The following RERE variants were observed in gnomAD, a reference collection of about 807,000 sequenced individuals.
RERE encodes arginine-glutamic acid dipeptide repeats.
RERE carries 40 observed loss-of-function variants against 146.1 expected under a neutral mutation model. The ratio of observed to expected loss-of-function variants is 0.27; its 90% CI spans 0.21 to 0.36. RERE has a LOEUF of 0.36. Among genes scored for constraint, RERE ranks in the 10% least tolerant of loss-of-function variants. The probability of loss-of-function intolerance (pLI) is 1.00; values close to 1 mark genes in which losing one functional copy is unlikely to be tolerated. For synonymous variants in RERE, 1,003 were observed against 866.0 expected (o/e 1.16, Z -2.78); for missense variants, 1,933 against 2,138.7 (o/e 0.90, Z 1.90).
intron 7 of RERE, among the ~76,000 whole-genome samples, chr1:8,529,119 T>C (rs537641523): frequency 6.6e-6 from 1 of 152,232 alleles, no homozygotes; most frequent in East Asian, 1.9e-4. Flanking sequence ...TATGGCAAAA[T>C]ACTAACAACT....
chr1:8,795,997 A>C (rs1380102610), intron 1 of RERE, among the ~76,000 whole-genome samples: 6 of 148,486 alleles, frequency 4.0e-5, no homozygotes, highest in East Asian at 1.9e-4. Flanking sequence ...AAAAAAAAAA[A>C]ACAAAACAAA....
chr1:8,809,157 A>AAAAAAAAAAAAAATAAAAAAAT (rs985140466), intron 1 of RERE, among the ~76,000 whole-genome samples: 1 of 146,122 alleles, frequency 6.8e-6, no homozygotes, highest in African/African-American at 2.8e-5. Flanking sequence ...AAAAAAAAAA[A>AAAAAAAAAAAAAATAAAAAAAT]AAAGTACTGA....
chr1:8,360,377 G>T lies in RERE; in HGVS notation c.3130C>A (p.Pro1044Thr), dbSNP rs755196209. 4.2e-5 allele frequency: 55 copies of T among 1,324,986 alleles called. No homozygotes were observed. The highest frequency in any genetic ancestry group is 5.2e-5 in the Non-Finnish European group (53 of 1,024,170). The allele number at this position is 1,324,986 out of a possible 1,614,324, so 82.1% of individuals were successfully genotyped here. Residue 1044 changes from proline to threonine, a missense_variant, in exon 18 of 23, where the codon CCT (proline) becomes ACT (threonine). Around this residue, in one of 11 missense-constraint regions of RERE, gnomAD observed 1,255 missense variants for 1,153.8 expected, o/e 1.09. Coordinates refer to ENST00000400908, the MANE Select transcript of RERE (RefSeq NM_001042681.2). ...CAGGTCGGAGGGGTGATGGGAGGAGGGCCTCCAGGGACAAAGGGGTGCTGA... is the reference window on the plus strand; with the variant it reads ...CAGGTCGGAGGGGTGATGGGAGGAGTGCCTCCAGGGACAAAGGGGTGCTGA... ...FAQHPFVPGG[P>T]PPITPPTCPS...
At chr1:8,777,933 G>A (rs1389625638) in intron 1 of RERE, among the ~76,000 whole-genome samples, 1 of 150,292 alleles carries the variant, frequency 6.7e-6, no homozygotes, top group African/African-American at 2.4e-5. Flanking sequence ...TCAATTTGAA[G>A]GCCAAATGTT....
intron 7 of RERE, among the ~76,000 whole-genome samples, chr1:8,521,176 C>CAA (rs36115526): frequency 0.02 from 2,223 of 109,868 alleles, 85 homozygotes; most frequent in South Asian, 0.032. Flanking sequence ...TTCTTTTTTT[C>CAA]AAAAAAAAAA....
At chr1:8,415,021 A>G (rs1643722823) in intron 12 of RERE, among the ~76,000 whole-genome samples, 1 of 152,230 alleles carries the variant, frequency 6.6e-6, no homozygotes, top group South Asian at 2.1e-4. Context: ...AAAATGAACT[A>G]GTTATTCAAG....
chr1:8,710,036 T>TC (rs1227564643), intron 1 of RERE, among the ~76,000 whole-genome samples: 1 of 152,220 alleles, frequency 6.6e-6, no homozygotes, highest in Non-Finnish European at 1.5e-5. Flanking sequence ...ATACAAGTAG[T>TC]CCCTGTCAAG....
chr1:8,646,556 C>CAAAAAAAA (rs568370827), intron 2 of RERE, among the ~76,000 whole-genome samples: 9 of 144,288 alleles, frequency 6.2e-5, no homozygotes, highest in African/African-American at 2.3e-4. Flanking sequence ...AACAAACAAA[C>CAAAAAAAA]AAAAAAAAAA....
chr1:8,453,543 C>A (rs1281078100), intron 11 of RERE, among the ~76,000 whole-genome samples: 1 of 152,190 alleles, frequency 6.6e-6, no homozygotes, highest in East Asian at 1.9e-4. Context: ...TGGCGGCTCA[C>A]ACCTGTAATC....
At position 8,532,697 on chromosome 1, in the gene RERE, C is replaced by A. The variant is rs182500578; in HGVS notation, c.830+8517G>T. 9.8e-4 allele frequency among the ~76,000 whole-genome samples: 149 copies of A among 152,024 alleles called. 3 individuals are homozygous for A. In the East Asian group the frequency reaches 0.026, roughly 26 times the overall value. ...GCAACCTCTGCCTCCTGGGTTCAAG[C>A]AATTCTCCTGCCTCAGCCTCCCGAG... On this transcript the variant is annotated intron_variant, in intron 7 of 22. Coordinates refer to ENST00000400908, the MANE Select transcript of RERE (RefSeq NM_001042681.2).
chr1:8,487,749 G>A (rs1644921795), intron 10 of RERE, among the ~76,000 whole-genome samples: 1 of 152,030 alleles, frequency 6.6e-6, no homozygotes. Flanking sequence ...AAAGGAAGAG[G>A]TAAAACTATA....
rs149927229 is a variant in RERE at position 8,421,266 on chromosome 1, C to T, written c.1284+1461G>A. Among the ~76,000 whole-genome samples the T allele has an allele frequency of 1.5e-3, 236 of 152,296 alleles. 1 individual carries two copies. The highest frequency in any genetic ancestry group is 5.4e-3 in the African/African-American group (223 of 41,570). On this transcript the variant is annotated intron_variant, in intron 12 of 22. Coordinates refer to ENST00000400908, the MANE Select transcript of RERE (RefSeq NM_001042681.2). ...TTTTTTACTCAGCCAAACCAAACTTCCTACACTCGGGCAAAGGCATTTTAA... is the reference window on the plus strand; with the variant it reads ...TTTTTTACTCAGCCAAACCAAACTTTCTACACTCGGGCAAAGGCATTTTAA...
chr1:8,627,108 G>GT (rs916995043), intron 2 of RERE, among the ~76,000 whole-genome samples: 1 of 152,098 alleles, frequency 6.6e-6, no homozygotes, highest in Non-Finnish European at 1.5e-5. Flanking sequence ...CTTAGAATTA[G>GT]TTATCAGTTC....
intron 11 of RERE, among the ~76,000 whole-genome samples, chr1:8,441,399 G>C (rs1644246857): frequency 6.6e-6 from 1 of 152,052 alleles, no homozygotes; most frequent in African/African-American, 2.4e-5. Flanking sequence ...ACTTCACAAA[G>C]GCAGCCTCCT....
intron 1 of RERE, among the ~76,000 whole-genome samples, chr1:8,679,773 A>C (rs528966971): frequency 1.9e-4 from 29 of 152,210 alleles, no homozygotes; most frequent in Admixed American, 1.8e-3. Flanking sequence ...GTTTTCTACA[A>C]AACTAGAGCT....
intron 1 of RERE, among the ~76,000 whole-genome samples, chr1:8,800,258 C>CAA (rs34669744): frequency 0.52 from 74,719 of 143,726 alleles, 19,968 homozygotes; most frequent in East Asian, 0.81. Flanking sequence ...GACTCTACGT[C>CAA]AAAAAAAAAA....
At chr1:8,728,370 C>A (rs1640013252) in intron 1 of RERE, among the ~76,000 whole-genome samples, 1 of 152,000 alleles carries the variant, frequency 6.6e-6, no homozygotes, top group Non-Finnish European at 1.5e-5. Flanking sequence ...TTACCATGCA[C>A]CACTGGTAGT....
chr1:8,405,979 GA>G (rs553474310), intron 12 of RERE, among the ~76,000 whole-genome samples: 4 of 151,942 alleles, frequency 2.6e-5, no homozygotes, highest in Admixed American at 1.3e-4. Flanking sequence ...TTTCAAGGGG[GA>G]AAAAAATTAC....
At chr1:8,775,865 G>A (rs952633036) in intron 1 of RERE, among the ~76,000 whole-genome samples, 1 of 152,056 alleles carries the variant, frequency 6.6e-6, no homozygotes, top group African/African-American at 2.4e-5. Flanking sequence ...ATTTTGTATC[G>A]AGGAAGCTGA....
Sources: allele counts gnomAD v4.1 joint callset (sites outside exome capture counted in the v4.1 genomes callset), GRCh38; gene constraint gnomAD v4.1.1; regional missense constraint gnomAD v4.1.1; transcripts MANE v1.5; gene names NCBI Gene and HGNC (gene_info 2026-07-23, HGNC 2026-07-21).